ROBO2: variants seen among roughly 807,000 people sequenced by gnomAD.
ROBO2 encodes the protein roundabout homolog 2.
In ROBO2, 53 loss-of-function variants were observed where a neutral mutation model predicts 160.8. That is an observed-to-expected ratio of 0.33 (90% CI 0.26 to 0.41). ROBO2 has a LOEUF of 0.41. Ranked by LOEUF, ROBO2 falls within the 10% of genes least tolerant of loss-of-function variation. The pLI is 1.00. For synonymous variants in ROBO2, 664 were observed against 611.7 expected, an observed-to-expected ratio of 1.09 and a Z score of -1.26; for missense variants, 1,577 against 1,722.4, an observed-to-expected ratio of 0.92 and a Z score of 1.49.
chr3:76,194,360 A>G (rs1335254204), intron 2 of ROBO2, among the ~76,000 whole-genome samples: 3,355 of 105,762 alleles, frequency 0.032, 101 homozygotes, highest in Middle Eastern at 0.064. Flanking sequence ...GTAAATATAT[A>G]TATATATATA....
At chr3:77,563,127 T>G in intron 10 of ROBO2, 40 bp from the exon 12 acceptor site, 1 of 1,602,602 alleles carries the variant, frequency 6.2e-7, no homozygotes, top group Non-Finnish European at 8.5e-7. Context: ...TGTCAACTTA[T>G]GCAATCAGGA....
chr3:76,087,256 T>A (rs1361688313), intron 2 of ROBO2, among the ~76,000 whole-genome samples: 3 of 151,978 alleles, frequency 2.0e-5, no homozygotes. Context: ...AGAAAAAATC[T>A]AAAAAGATGC....
At chr3:76,563,714 T>A (rs2084340101) in intron 2 of ROBO2, among the ~76,000 whole-genome samples, 1 of 152,200 alleles carries the variant, frequency 6.6e-6, no homozygotes. Context: ...ACACAGCTAA[T>A]GTCCCTAAGA....
chr3:76,913,049 G>C (rs2076089073), intron 2 of ROBO2, among the ~76,000 whole-genome samples: 1 of 152,086 alleles, frequency 6.6e-6, no homozygotes, highest in Non-Finnish European at 1.5e-5. Flanking sequence ...AGCAAACCTT[G>C]GTGGAGGTCC....
chr3:76,568,416 A>G (rs7631997), intron 2 of ROBO2, among the ~76,000 whole-genome samples: 139,771 of 151,680 alleles, frequency 0.92, 64,713 homozygotes, highest in East Asian at 1. Context: ...TCCTGCCTCA[A>G]CCTCCCGAGT....
At chr3:77,604,431 T>A (rs1245863513) in intron 20 of ROBO2, among the ~76,000 whole-genome samples, 1 of 152,158 alleles carries the variant, frequency 6.6e-6, no homozygotes. Flanking sequence ...AATCTTTCTT[T>A]AAGTATTCTA....
chr3:76,381,240 C>G (rs1482698359), intron 2 of ROBO2, among the ~76,000 whole-genome samples: 2 of 152,120 alleles, frequency 1.3e-5, no homozygotes, highest in Non-Finnish European at 2.9e-5. Context: ...AAGTTGGTTA[C>G]TGAGCTCAGC....
At chr3:77,417,930 T>C (rs557802582) in intron 2 of ROBO2, among the ~76,000 whole-genome samples, 1 of 151,726 alleles carries the variant, frequency 6.6e-6, no homozygotes, top group East Asian at 1.9e-4. Context: ...TACATATTTT[T>C]TAAAGTTTCC....
At chr3:76,603,225 A>G (rs1278668288) in intron 2 of ROBO2, among the ~76,000 whole-genome samples, 1 of 150,150 alleles carries the variant, frequency 6.7e-6, no homozygotes, top group Non-Finnish European at 1.5e-5. Flanking sequence ...CCAGCTACTC[A>G]GGAGGCTGAG....
chr3:76,373,986 T>C (rs1457251219), intron 2 of ROBO2, among the ~76,000 whole-genome samples: 3 of 151,912 alleles, frequency 2.0e-5, no homozygotes, highest in African/African-American at 7.2e-5. Context: ...TCCAACAGTC[T>C]AGGGAGAGTT....
chr3:77,449,703 G>T (rs1393895264), intron 2 of ROBO2, among the ~76,000 whole-genome samples: 1 of 152,064 alleles, frequency 6.6e-6, no homozygotes, highest in African/African-American at 2.4e-5. Context: ...GTGATTAGGT[G>T]TGCTTTATAT....
At chr3:76,112,499 GTGAGAAAGCATCTACCATGT>G (rs1387591949) in intron 2 of ROBO2, among the ~76,000 whole-genome samples, 1 of 151,620 alleles carries the variant, frequency 6.6e-6, no homozygotes, top group Non-Finnish European at 1.5e-5. Flanking sequence ...TTTTAATTTG[GTGAGAAAGCATCTACCATGT>G]TGTTTTCTGT....
At chr3:76,354,714 T>G (rs1036212603) in intron 2 of ROBO2, among the ~76,000 whole-genome samples, 2 of 151,790 alleles carry the variant, frequency 1.3e-5, no homozygotes, top group Non-Finnish European at 2.9e-5. Flanking sequence ...AGAGAGGTTT[T>G]GGGAAACGTA....
intron 2 of ROBO2, among the ~76,000 whole-genome samples, chr3:77,254,518 G>A (rs1015388355): frequency 6.6e-6 from 1 of 151,666 alleles, no homozygotes; most frequent in Non-Finnish European, 1.5e-5. Context: ...TCTGAAAACT[G>A]AAGTACAAAA....
At position 77,646,046 on chromosome 3, in the gene ROBO2, T is replaced by G. The variant is rs761793255; in HGVS notation, c.4136-8T>G. ...ATATTTTATTTCTACTTTTTTCTCT[T>G]TCTTTAGAGTAAATGAGAGGAGACA... On this transcript the variant is annotated splice_polypyrimidine_tract_variant and splice_region_variant and intron_variant, in intron 25 of 25. Transcript: ENST00000461745. 1 of 1,589,038 alleles carries G rather than the reference T, an allele frequency of 6.3e-7. No homozygotes were observed. The highest frequency in any genetic ancestry group is 1.7e-5 in the Admixed American group (1 of 59,334).
At chr3:77,200,865 A>G (rs1469466100) in intron 2 of ROBO2, among the ~76,000 whole-genome samples, 1 of 152,170 alleles carries the variant, frequency 6.6e-6, no homozygotes, top group Non-Finnish European at 1.5e-5. Flanking sequence ...TACCACAGAC[A>G]CCATAGGCCA....
chr3:76,311,224 A>G (rs2071566985), intron 2 of ROBO2: 2 of 152,212 alleles, frequency 1.3e-5, no homozygotes, highest in Admixed American at 1.3e-4. Flanking sequence ...TTCAATGATT[A>G]ATGCTATTTT....
intron 2 of ROBO2, among the ~76,000 whole-genome samples, chr3:76,431,630 G>T (rs1453086697): frequency 2.0e-5 from 3 of 152,096 alleles, no homozygotes; most frequent in Admixed American, 1.3e-4. Flanking sequence ...CTGAGAAAAT[G>T]ATCCTTTGCA....
At chr3:77,553,874 A>G (rs903812883) in intron 8 of ROBO2, among the ~76,000 whole-genome samples, 2 of 121,094 alleles carry the variant, frequency 1.7e-5, no homozygotes, top group Non-Finnish European at 3.5e-5. Context: ...ATCAAGGGCT[A>G]ATATGGAAGC....
Sources: gnomAD v4.1 joint callset for allele counts (sites outside exome capture counted in the v4.1 genomes callset) on GRCh38, gnomAD v4.1.1 for gene constraint, MANE v1.5 for transcripts, NCBI Gene and HGNC (gene_info 2026-07-23, HGNC 2026-07-21) for gene names.